The following SND1 variants were observed in gnomAD, a reference collection of about 807,000 sequenced individuals.
The protein encoded by SND1 is staphylococcal nuclease and tudor domain containing 1, also known as staphylococcal nuclease domain-containing protein 1.
In SND1, 38 loss-of-function variants were observed where a neutral mutation model predicts 121.7. The ratio of observed to expected loss-of-function variants is 0.31; its 90% confidence interval spans 0.24 to 0.41. SND1 has a LOEUF of 0.41. Ranked by LOEUF, SND1 falls within the 10% of genes least tolerant of loss-of-function variation. The probability of loss-of-function intolerance (pLI) is 1.00; values close to 1 mark genes in which losing one functional copy is unlikely to be tolerated. For missense variants in SND1, 868 were observed against 1,184.6 expected (o/e 0.73, Z 3.92); for synonymous variants, 401 against 447.4 (o/e 0.90, Z 1.31).
At chr7:128,080,556 C>T (rs1402201965) in intron 17 of SND1, among the ~76,000 whole-genome samples, 1 of 152,200 alleles carries the variant, frequency 6.6e-6, no homozygotes, top group East Asian at 1.9e-4. Context: ...CACCAGGAGC[C>T]CTGTGACAGC....
At chr7:127,977,461 G>C (rs1802147155) in intron 15 of SND1, among the ~76,000 whole-genome samples, 1 of 152,066 alleles carries the variant, frequency 6.6e-6, no homozygotes, top group Non-Finnish European at 1.5e-5. Flanking sequence ...GAAGGCCTAG[G>C]ATGTCAGATT....
At chr7:127,924,550 A>G (rs969581844) in intron 14 of SND1, among the ~76,000 whole-genome samples, 10 of 152,128 alleles carry the variant, frequency 6.6e-5, no homozygotes, top group South Asian at 2.1e-4. Flanking sequence ...TCTAGTGCAC[A>G]CCGACATCCT....
chr7:127,822,642 G>C (rs1798570267), intron 11 of SND1, among the ~76,000 whole-genome samples: 2 of 152,092 alleles, frequency 1.3e-5, no homozygotes, highest in Admixed American at 6.6e-5. Context: ...ATTCAGGGTA[G>C]CATCTGTTAA....
chr7:127,712,245 A>G (rs962722511), intron 9 of SND1, among the ~76,000 whole-genome samples: 3 of 152,082 alleles, frequency 2.0e-5, no homozygotes, highest in African/African-American at 7.2e-5. Context: ...TGCAGCTTCA[A>G]GCTCATGGGC....
intron 10 of SND1, among the ~76,000 whole-genome samples, chr7:127,781,212 A>G (rs1797713746): frequency 6.6e-6 from 1 of 152,192 alleles, no homozygotes; most frequent in Admixed American, 6.5e-5. Flanking sequence ...TGAAGTTCTC[A>G]TCCAACCCAC....
chr7:127,905,849 G>C (rs1800324254), intron 14 of SND1, among the ~76,000 whole-genome samples: 1 of 152,192 alleles, frequency 6.6e-6, no homozygotes, highest in South Asian at 2.1e-4. Flanking sequence ...TAGGCACTCA[G>C]GGAATTTGCC....
Position 127,700,659 on chromosome 7 carries a change from T to C in SND1, c.429-504T>C, listed in dbSNP as rs564973227. On this transcript the variant is annotated intron_variant, in intron 4 of 23. Coordinates refer to ENST00000354725, the MANE Select transcript of SND1 (RefSeq NM_014390.4). ...CATTTTCAAGCTGCTTTTGTCTAGCTTGCCTTATTGAATGTGTAAGTAGTT... is the reference window on the plus strand; with the variant it reads ...CATTTTCAAGCTGCTTTTGTCTAGCCTGCCTTATTGAATGTGTAAGTAGTT... 2.0e-5 allele frequency among the ~76,000 whole-genome samples: 3 copies of C among 152,372 alleles called. No homozygotes were observed. In the South Asian group the frequency reaches 6.2e-4, roughly 32 times the overall value.
At chr7:128,016,457 C>T (rs1275468852) in intron 16 of SND1, among the ~76,000 whole-genome samples, 2 of 152,202 alleles carry the variant, frequency 1.3e-5, no homozygotes, top group African/African-American at 4.8e-5. Flanking sequence ...GAGGCATCTG[C>T]TCCTATCTCT....
chr7:128,042,479 G>C (rs968152208), intron 16 of SND1: 1 of 152,312 alleles, frequency 6.6e-6, no homozygotes, highest in Non-Finnish European at 1.5e-5. Flanking sequence ...GTGGAAAAGG[G>C]GGGAGATGAA....
chr7:127,932,794 A>G (rs1800980826), intron 15 of SND1, among the ~76,000 whole-genome samples: 2 of 152,220 alleles, frequency 1.3e-5, no homozygotes, highest in Admixed American at 1.3e-4. Context: ...TCAGATGATC[A>G]TTAGCATTTT....
At chr7:127,955,360 A>G (rs1801567514) in intron 15 of SND1, among the ~76,000 whole-genome samples, 1 of 152,100 alleles carries the variant, frequency 6.6e-6, no homozygotes, top group African/African-American at 2.4e-5. Flanking sequence ...TGGTTAGGGC[A>G]CTGATATATA....
At chr7:127,789,491 T>C (rs1262382700) in intron 10 of SND1, among the ~76,000 whole-genome samples, 1 of 152,242 alleles carries the variant, frequency 6.6e-6, no homozygotes, top group Non-Finnish European at 1.5e-5. Context: ...TGTTTCTCAC[T>C]GCGGAAGAGA....
chr7:127,655,028 A>G (rs778149731), intron 1 of SND1, among the ~76,000 whole-genome samples: 7 of 152,248 alleles, frequency 4.6e-5, no homozygotes, highest in African/African-American at 7.2e-5. Context: ...AAATAGTTTG[A>G]TGAATAGGAA....
chr7:127,845,917 G>A (rs1040096109), intron 12 of SND1, among the ~76,000 whole-genome samples: 9 of 152,206 alleles, frequency 5.9e-5, no homozygotes, highest in African/African-American at 2.2e-4. Flanking sequence ...ATTTGAGACA[G>A]ATAATTTAAA....
At chr7:127,719,839 A>C (rs1463795264) in intron 9 of SND1, among the ~76,000 whole-genome samples, 1 of 152,206 alleles carries the variant, frequency 6.6e-6, no homozygotes, top group African/African-American at 2.4e-5. Flanking sequence ...CTATGGACTT[A>C]CAGATTGATT....
In SND1 at chr7:127,972,952, C is replaced by T. The variant is rs113962421; in HGVS notation, c.1670-17995C>T. ...AGCAGAAAGTCATCTTTTTTCATTG[C>T]ATTATGTAATTTTCAAAGATCCCTT... On this transcript the variant is annotated intron_variant, in intron 15 of 23. Transcript: ENST00000354725. 5.3e-5 allele frequency among the ~76,000 whole-genome samples: 8 copies of T among 152,242 alleles called. 1 individual carries two copies. Among genetic ancestry groups the T allele is most frequent in the African/African-American group, 1.9e-4 (8 of 41,544 alleles).
At chr7:127,957,459 A>G (rs533032362) in intron 15 of SND1, among the ~76,000 whole-genome samples, 12 of 152,170 alleles carry the variant, frequency 7.9e-5, no homozygotes, top group Non-Finnish European at 1.2e-4. Context: ...TATTGATTCA[A>G]AAGAGACTGA....
intron 1 of SND1, among the ~76,000 whole-genome samples, chr7:127,665,446 C>G (rs975783975): frequency 6.6e-6 from 1 of 151,998 alleles, no homozygotes; most frequent in Non-Finnish European, 1.5e-5. Flanking sequence ...CTTGGCCTCC[C>G]GAAGTGCTGG....
rs894802283 is a variant in SND1, at chr7:127,721,609, C to T, written c.1152+209C>T. ...TTGTGGCCCACACCCACTGCTCTGCCGAATTTCACGTGGGCACTGTTGGCA... is the reference window on the plus strand; with the variant it reads ...TTGTGGCCCACACCCACTGCTCTGCTGAATTTCACGTGGGCACTGTTGGCA... On this transcript the variant is annotated intron_variant, in intron 10 of 23. Coordinates refer to ENST00000354725, the MANE Select transcript of SND1 (RefSeq NM_014390.4). Among the ~76,000 whole-genome samples, 4 of 152,142 alleles carry T rather than the reference C, an allele frequency of 2.6e-5. No homozygotes were observed. The South Asian group carries it at 6.2e-4, about 24-fold the overall frequency.
Sources: allele counts gnomAD v4.1 joint callset (sites outside exome capture counted in the v4.1 genomes callset), GRCh38; gene constraint gnomAD v4.1.1; transcripts MANE v1.5; gene names NCBI Gene and HGNC (gene_info 2026-07-23, HGNC 2026-07-21).